BACE2: variants seen among roughly 807,000 people sequenced by gnomAD.
The protein encoded by BACE2 is beta-secretase 2.
A neutral mutation model predicts 46.2 loss-of-function variants in BACE2; 17 were observed. The ratio of observed to expected loss-of-function variants is 0.37; its 90% CI spans 0.25 to 0.55. The LOEUF (loss-of-function observed/expected upper bound fraction) is 0.55, where lower values mean the gene tolerates loss of function less well. Ranked by LOEUF, BACE2 falls within the 20% of genes least tolerant of loss-of-function variation. The pLI is 0.82. For missense variants in BACE2, 595 were observed against 698.1 expected, an observed-to-expected ratio of 0.85 and a Z score of 1.66; for synonymous variants, 277 against 295.9, an observed-to-expected ratio of 0.94 and a Z score of 0.66.
chr21:41,193,299 A>G lies in BACE2; in HGVS notation c.312+24724A>G, dbSNP rs996157834. ...GGGGAAAAAGTCATTTGCCAAGTCAATGGCTGCATACCAGGTACCAGGAGG... is the reference window on the plus strand; with the variant it reads ...GGGGAAAAAGTCATTTGCCAAGTCAGTGGCTGCATACCAGGTACCAGGAGG... On this transcript the variant is annotated intron_variant, in intron 1 of 8. Coordinates refer to ENST00000330333, the MANE Select transcript of BACE2 (RefSeq NM_012105.5). The surrounding 1 kb of genome is among the most constrained non-coding windows in gnomAD (Gnocchi z 4.2). 2.0e-5 allele frequency among the ~76,000 whole-genome samples: 3 copies of G among 152,248 alleles called. No individual in the cohort carries two copies. Among genetic ancestry groups the G allele is most frequent in the Non-Finnish European group, 4.4e-5 (3 of 68,040 alleles).
intron 1 of BACE2, among the ~76,000 whole-genome samples, chr21:41,217,186 C>T (rs187057119): frequency 2.6e-5 from 4 of 152,342 alleles, no homozygotes; most frequent in African/African-American, 9.6e-5. Flanking sequence ...GCCTCGGCCT[C>T]CCAAAGTGCC....
In BACE2 at chr21:41,241,344, G is replaced by A. The variant is rs2297273; in HGVS notation, c.619-475G>A. 5.3e-5 allele frequency among the ~76,000 whole-genome samples: 8 copies of A among 152,216 alleles called. No individual in the cohort carries two copies. The East Asian group carries it at 1.4e-3, about 26-fold the overall frequency. ...AGCCTCACCCCAGGCTCTGGGGTCCGGGGGATACTGTCCTCCCAGGTCAGC... is the reference window on the plus strand; with the variant it reads ...AGCCTCACCCCAGGCTCTGGGGTCCAGGGGATACTGTCCTCCCAGGTCAGC... On this transcript the variant is annotated intron_variant, in intron 3 of 8. Transcript: ENST00000330333.
rs758429245 is a variant in BACE2, at chr21:41,215,160, AAGAG to A, written c.313-11102_313-11099del. The stretch of plus-strand genomic sequence containing the variant: ...TCCATCTCTGCAGGTGGAGGAGAGA[AAGAG>A]AGAAAGGAATTGAGACGGGAGGTGG... On this transcript the variant is annotated intron_variant, in intron 1 of 8. Coordinates refer to ENST00000330333, the MANE Select transcript of BACE2 (RefSeq NM_012105.5). Among the ~76,000 whole-genome samples, 4 of 152,236 alleles carry A rather than the reference AAGAG, an allele frequency of 2.6e-5. No individual in the cohort carries two copies. In the East Asian group the frequency reaches 7.7e-4, roughly 29 times the overall value.
intron 1 of BACE2, among the ~76,000 whole-genome samples, chr21:41,210,532 C>T (rs1384224319): frequency 6.6e-6 from 1 of 152,184 alleles, no homozygotes; most frequent in African/African-American, 2.4e-5. Flanking sequence ...GCAGCTAAAA[C>T]ACTCACCGGC....
At chr21:41,212,309 A>G (rs1418263634) in intron 1 of BACE2, among the ~76,000 whole-genome samples, 1 of 152,116 alleles carries the variant, frequency 6.6e-6, no homozygotes, top group Non-Finnish European at 1.5e-5. Flanking sequence ...CACTAATCCT[A>G]TCTCTTAGGG....
chr21:41,225,026 A>G (rs1203243686), intron 1 of BACE2, among the ~76,000 whole-genome samples: 1 of 152,156 alleles, frequency 6.6e-6, no homozygotes, highest in Non-Finnish European at 1.5e-5. Context: ...CGACTTCAGG[A>G]GATCAAGACC....
chr21:41,268,265 C>T (rs559554051), intron 8 of BACE2, among the ~76,000 whole-genome samples: 1 of 152,284 alleles, frequency 6.6e-6, no homozygotes, highest in South Asian at 2.1e-4. Context: ...GATCACACAG[C>T]TTGTATGTGG....
intron 1 of BACE2, among the ~76,000 whole-genome samples, chr21:41,206,998 T>C (rs1986147314): frequency 1.3e-5 from 2 of 152,334 alleles, no homozygotes; most frequent in African/African-American, 4.8e-5. Context: ...ACGATGTTCT[T>C]TTTCTGTAAG....
chr21:41,266,428 A>G (rs1424042867), intron 8 of BACE2, among the ~76,000 whole-genome samples: 1 of 152,228 alleles, frequency 6.6e-6, no homozygotes, highest in African/African-American at 2.4e-5. Flanking sequence ...AAGAGAGTGC[A>G]GTGTGCCTTG....
chr21:41,209,894 G>A (rs1203308289), intron 1 of BACE2, among the ~76,000 whole-genome samples: 1 of 152,206 alleles, frequency 6.6e-6, no homozygotes, highest in African/African-American at 2.4e-5. Flanking sequence ...TTGGCTATGG[G>A]TTTGGGATGA....
rs752354530 is a variant in BACE2, at chr21:41,250,779, A to G, written c.1012A>G (p.Thr338Ala). ...LIPEFSDGFW[T>A]GSQLACWTNS... The stretch of plus-strand genomic sequence containing the variant: ...TCCAGAATTCTCTGATGGTTTCTGG[A>G]CTGGGTCCCAGCTGGCGTGCTGGAC... The change falls in exon 7 of 9, where the codon ACT becomes GCT. Residue 338 changes from threonine (T) to alanine (A), a missense_variant. This residue lies in a region of BACE2 where 343 missense variants were observed against 419.4 expected (regional missense o/e 0.82). Transcript: ENST00000330333. The G allele has an allele frequency of 6.2e-7, 1 of 1,614,058 alleles. No homozygotes were observed. Among genetic ancestry groups the G allele is most frequent in the Non-Finnish European group, 8.5e-7 (1 of 1,180,014 alleles).
At chr21:41,230,104 C>T (rs751357211) in intron 2 of BACE2, 6 of 152,236 alleles carry the variant, frequency 3.9e-5, no homozygotes, top group Non-Finnish European at 7.3e-5. Flanking sequence ...TAACACATCA[C>T]GCACCTTTTG....
rs752440533 is a variant in BACE2 at position 41,226,369 on chromosome 21, C to G, written c.401+15C>G. ...GACACAGAGAGGTAAGCGCTGGCCC[C>G]TTGGCTGGTGTGCTGGGCCGGGGCA... On this transcript the variant is annotated intron_variant, in intron 2 of 8. Coordinates refer to ENST00000330333, the MANE Select transcript of BACE2 (RefSeq NM_012105.5). 6.2e-7 allele frequency: 1 copy of G among 1,607,938 alleles called. No individual in the cohort carries two copies. Among genetic ancestry groups the G allele is most frequent in the Admixed American group, 1.7e-5 (1 of 58,798 alleles).
Position 41,257,211 on chromosome 21 carries a change from C to A in BACE2, c.1188C>A (p.Phe396Leu), listed in dbSNP as rs139156985. The A allele has an allele frequency of 3.7e-6, 6 of 1,614,066 alleles. No individual in the cohort carries two copies. Among genetic ancestry groups the A allele is most frequent in the African/African-American group, 1.3e-5 (1 of 74,920 alleles). Residue 396 changes from phenylalanine to leucine, a missense_variant, in exon 8 of 9, where the codon TTC (phenylalanine) becomes TTA (leucine). Around this residue, in one of 3 missense-constraint regions of BACE2, gnomAD observed 343 missense variants for 419.4 expected, o/e 0.82. Transcript: ENST00000330333. Reference sequence around the variant, plus strand: ...GCCTGAATTATGAATGTTACCGATTCGGCATTTCCCCATCCACAAATGCGC... The same window carrying A: ...GCCTGAATTATGAATGTTACCGATTAGGCATTTCCCCATCCACAAATGCGC... ...GAGLNYECYR[F>L]GISPSTNALV...
chr21:41,202,150 CTGTT>C, intron 1 of BACE2, among the ~76,000 whole-genome samples: 1 of 152,246 alleles, frequency 6.6e-6, no homozygotes, highest in South Asian at 2.1e-4. Flanking sequence ...CCGTAGTGAG[CTGTT>C]TGTTATTTGT....
intron 2 of BACE2, among the ~76,000 whole-genome samples, chr21:41,228,098 C>T (rs974246865): frequency 2.0e-5 from 3 of 152,186 alleles, no homozygotes; most frequent in African/African-American, 7.2e-5. Context: ...ATAACAAGTG[C>T]TTTGTCATTC....
At chr21:41,169,126 C>T (rs1984502378) in intron 1 of BACE2, among the ~76,000 whole-genome samples, 1 of 151,858 alleles carries the variant, frequency 6.6e-6, no homozygotes, top group African/African-American at 2.4e-5. Flanking sequence ...AGAAGTGGCT[C>T]GCTTGCTGCT....
intron 4 of BACE2, among the ~76,000 whole-genome samples, chr21:41,242,226 G>A (rs1040611906): frequency 6.6e-6 from 1 of 152,020 alleles, no homozygotes; most frequent in African/African-American, 2.4e-5. Context: ...CTGTGGGTGG[G>A]GGAGGGACAA....
At chr21:41,208,548 G>A (rs957181399) in intron 1 of BACE2, among the ~76,000 whole-genome samples, 9 of 152,262 alleles carry the variant, frequency 5.9e-5, no homozygotes, top group Admixed American at 2.6e-4. Context: ...GAGTCCATTC[G>A]AGGGAGGAGC....
Sources: gnomAD v4.1 joint callset for allele counts (sites outside exome capture counted in the v4.1 genomes callset) on GRCh38, gnomAD v4.1.1 for gene constraint, gnomAD v4.1.1 regional missense constraint, Gnocchi (gnomAD v3.1) non-coding constraint, MANE v1.5 for transcripts, NCBI Gene and HGNC (gene_info 2026-07-23, HGNC 2026-07-21) for gene names.